The following NRG3 variants were observed in gnomAD, a reference collection of about 807,000 sequenced individuals.
The protein encoded by NRG3 is neuregulin 3, also known as pro-neuregulin-3, membrane-bound isoform.
A neutral mutation model predicts 66.9 loss-of-function variants in NRG3; 31 were observed. That is an observed-to-expected ratio of 0.46 (90% CI 0.35 to 0.63). The LOEUF (loss-of-function observed/expected upper bound fraction) is 0.63, where lower values mean the gene tolerates loss of function less well. Ranked by LOEUF, NRG3 falls within the 20% of genes least tolerant of loss-of-function variation. The pLI is 0.00. For missense variants in NRG3, 910 were observed against 878.9 expected (o/e 1.04, Z -0.45); for synonymous variants, 393 against 359.4 (o/e 1.09, Z -1.06).
intron 4 of NRG3, among the ~76,000 whole-genome samples, chr10:82,897,758 GA>G (rs1399000494): frequency 3.3e-5 from 5 of 152,068 alleles, no homozygotes; most frequent in Admixed American, 3.3e-4. Flanking sequence ...GACCTCAGGT[GA>G]TCCACCCGCC....
At chr10:82,984,980 TG>T in intron 8 of NRG3, 117 bp from the exon 9 acceptor site, 2 of 1,330,028 alleles carry the variant, frequency 1.5e-6, no homozygotes, top group Non-Finnish European at 2.1e-6. Flanking sequence ...ATCCGTCTCA[TG>T]GGGTTGCTGT....
At chr10:82,013,477 G>T (rs539169937) in intron 1 of NRG3, among the ~76,000 whole-genome samples, 40 of 152,214 alleles carry the variant, frequency 2.6e-4, no homozygotes, top group Admixed American at 7.2e-4. Flanking sequence ...TATATACAAA[G>T]AGAAAATGGG....
intron 2 of NRG3, among the ~76,000 whole-genome samples, chr10:82,371,590 A>G (rs2084898603): frequency 6.6e-6 from 1 of 152,122 alleles, no homozygotes. Context: ...TCTGTGATAG[A>G]TATGAGCTAT....
chr10:82,816,512 G>A (rs1290770191), intron 3 of NRG3, among the ~76,000 whole-genome samples: 1 of 152,200 alleles, frequency 6.6e-6, no homozygotes. Context: ...CAGAAGGGAG[G>A]AAATGCATGC....
Position 82,220,482 on chromosome 10 carries a change from G to A in NRG3, c.824-138257G>A, listed in dbSNP as rs138134140. Among the ~76,000 whole-genome samples, 10 of 152,154 alleles carry A rather than the reference G, an allele frequency of 6.6e-5. No homozygotes were observed. The East Asian group carries it at 1.9e-3, about 30-fold the overall frequency. On this transcript the variant is annotated intron_variant, in intron 1 of 8. Transcript: ENST00000372141. ...GGATGAAATTGAAATCAAGTGTATT[G>A]TGTTAGGGGGATCCTACAGGAAGAA...
chr10:82,201,886 A>G (rs985288763), intron 1 of NRG3, among the ~76,000 whole-genome samples: 6 of 152,176 alleles, frequency 3.9e-5, no homozygotes, highest in Non-Finnish European at 8.8e-5. Context: ...AAGAAATTAT[A>G]TTCAATTCTG....
At chr10:82,704,289 C>T (rs577439254) in intron 2 of NRG3, among the ~76,000 whole-genome samples, 2 of 151,972 alleles carry the variant, frequency 1.3e-5, no homozygotes, top group African/African-American at 2.4e-5. Context: ...TTCTATTTCC[C>T]GATTAAATGT....
intron 2 of NRG3, among the ~76,000 whole-genome samples, chr10:82,439,986 C>T (rs867801039): frequency 5.9e-5 from 9 of 151,896 alleles, no homozygotes; most frequent in African/African-American, 1.9e-4. Flanking sequence ...GAACATTGTA[C>T]GTTATTCAGC....
chr10:81,991,796 C>A (rs2224117), intron 1 of NRG3, among the ~76,000 whole-genome samples: 48,537 of 151,878 alleles, frequency 0.32, 9,210 homozygotes, highest in East Asian at 0.77. Flanking sequence ...TATTACTTTT[C>A]TCTTAAGTAA....
intron 1 of NRG3, among the ~76,000 whole-genome samples, chr10:81,925,827 T>G (rs1049492197): frequency 2.0e-5 from 3 of 152,084 alleles, no homozygotes; most frequent in African/African-American, 7.2e-5. Context: ...GAAAGGAACT[T>G]TGATTTCCTG....
intron 2 of NRG3, among the ~76,000 whole-genome samples, chr10:82,446,736 G>T (rs1453340638): frequency 1.3e-5 from 2 of 152,066 alleles, no homozygotes; most frequent in African/African-American, 4.8e-5. Context: ...AACCACCATG[G>T]TACACATTTA....
intron 1 of NRG3, among the ~76,000 whole-genome samples, chr10:82,150,528 C>CAAAAAAAAAAAAAAAAAAAAAAAAAA (rs1264827514): frequency 1.9e-5 from 1 of 51,726 alleles, no homozygotes. Context: ...AAAGAGCACA[C>CAAAAAAAAAAAAAAAAAAAAAAAAAA]ACAAAAAAAA....
intron 2 of NRG3, among the ~76,000 whole-genome samples, chr10:82,461,350 C>T (rs2131967486): frequency 6.6e-6 from 1 of 152,236 alleles, no homozygotes; most frequent in East Asian, 1.9e-4. Flanking sequence ...CCACCACCAC[C>T]ATTAACACCA....
intron 2 of NRG3, among the ~76,000 whole-genome samples, chr10:82,360,291 G>A (rs1306862806): frequency 6.6e-6 from 1 of 152,184 alleles, no homozygotes; most frequent in African/African-American, 2.4e-5. Context: ...GAAAATCCAG[G>A]AATGAGCTAC....
chr10:82,864,795 G>A lies in NRG3; in HGVS notation c.1028-616G>A, dbSNP rs545081823. On this transcript the variant is annotated intron_variant, in intron 3 of 8. Transcript: ENST00000372141. ...AATTCGAATAGTCATGGGGCTTAAC[G>A]GTCAGATCAACCAAATTGGTGCCCT... is the stretch of plus-strand genomic sequence containing the variant. 1.2e-4 allele frequency among the ~76,000 whole-genome samples: 18 copies of A among 152,222 alleles called. No homozygotes were observed. The South Asian group carries it at 3.5e-3, about 30-fold the overall frequency.
At chr10:82,628,020 G>A (rs1440918431) in intron 2 of NRG3, among the ~76,000 whole-genome samples, 2 of 152,116 alleles carry the variant, frequency 1.3e-5, no homozygotes, top group Non-Finnish European at 2.9e-5. Context: ...AAACAAAGAC[G>A]CTTTACAAAG....
At chr10:82,320,679 G>A (rs553903455) in intron 1 of NRG3, among the ~76,000 whole-genome samples, 1 of 152,272 alleles carries the variant, frequency 6.6e-6, no homozygotes, top group East Asian at 1.9e-4. Flanking sequence ...CTGGGGTAGA[G>A]ACAGAGGTCC....
chr10:82,044,939 G>A lies in NRG3; in HGVS notation c.823+168776G>A, dbSNP rs532745963. Among the ~76,000 whole-genome samples, 361 of 151,854 alleles carry A rather than the reference G, an allele frequency of 2.4e-3. 1 individual carries two copies. The highest frequency in any genetic ancestry group is 8.4e-3 in the African/African-American group (347 of 41,446). ...GCATAATATTCCATGGTGTACATGT[G>A]CCACATTTTCTTAATCAAGTCTATC... On this transcript the variant is annotated intron_variant, in intron 1 of 8. Transcript: ENST00000372141.
intron 2 of NRG3, among the ~76,000 whole-genome samples, chr10:82,561,653 C>T (rs1468381920): frequency 6.6e-6 from 1 of 152,102 alleles, no homozygotes; most frequent in Non-Finnish European, 1.5e-5. Flanking sequence ...TCCCAACACT[C>T]CCATCCTTAA....
Sources: gnomAD v4.1 joint callset for allele counts (sites outside exome capture counted in the v4.1 genomes callset) on GRCh38, gnomAD v4.1.1 for gene constraint, MANE v1.5 for transcripts, NCBI Gene and HGNC (gene_info 2026-07-23, HGNC 2026-07-21) for gene names.